The following DCDC1 variants were observed in gnomAD, a reference collection of about 807,000 sequenced individuals.
DCDC1 encodes the protein doublecortin domain-containing protein 1.
In DCDC1, 200 loss-of-function variants were observed where a neutral mutation model predicts 178.3. That is an observed-to-expected ratio of 1.12 (90% CI 1.00 to 1.26). The LOEUF is 1.26. DCDC1 is among the 50% of genes most tolerant of loss of function. The pLI is 0.00. For synonymous variants in DCDC1, 690 were observed against 604.8 expected (o/e 1.14, Z -2.07); for missense variants, 1,983 against 1,749.2 (o/e 1.13, Z -2.38).
At chr11:31,304,028 C>A (rs1948296112) in intron 6 of DCDC1, among the ~76,000 whole-genome samples, 1 of 152,092 alleles carries the variant, frequency 6.6e-6, no homozygotes, top group Non-Finnish European at 1.5e-5. Flanking sequence ...TGAAACACAG[C>A]CAAAGATACG....
intron 20 of DCDC1, among the ~76,000 whole-genome samples, chr11:31,018,733 T>G (rs938766391): frequency 6.6e-6 from 1 of 152,204 alleles, no homozygotes; most frequent in Non-Finnish European, 1.5e-5. Context: ...CAGCATGCAC[T>G]TATGATGAGA....
At chr11:31,141,505 T>C (rs1048754225) in intron 9 of DCDC1, among the ~76,000 whole-genome samples, 1 of 152,192 alleles carries the variant, frequency 6.6e-6, no homozygotes, top group Non-Finnish European at 1.5e-5. Flanking sequence ...TGAATCAACA[T>C]GACCCAACAA....
chr11:30,957,305 C>T (rs1211017556), intron 20 of DCDC1, among the ~76,000 whole-genome samples: 1 of 152,180 alleles, frequency 6.6e-6, no homozygotes, highest in Non-Finnish European at 1.5e-5. Flanking sequence ...CTGTGTGTCC[C>T]TTTGCAGCAA....
intron 3 of DCDC1, among the ~76,000 whole-genome samples, chr11:31,327,199 G>A (rs949682997): frequency 8.6e-5 from 13 of 151,846 alleles, no homozygotes; most frequent in African/African-American, 3.1e-4. Context: ...ACAGAGTTTC[G>A]CTCTTGTTAC....
chr11:30,903,635 T>G lies in DCDC1; in HGVS notation c.4357A>C (p.Lys1453Gln). Reference sequence around the variant, plus strand: ...GGGGTTCCATCTTTGGTATATACTTTGGAGGCTGCTCTGGCAAGCCCAAGT... The same window carrying G: ...GGGGTTCCATCTTTGGTATATACTTGGGAGGCTGCTCTGGCAAGCCCAAGT... ...EQLGLARAAS[K>Q]VYTKDGTPIF... Residue 1453 changes from lysine (K) to glutamine (Q), a missense_variant, in exon 32 of 39, where the codon AAA becomes CAA. Physicochemically the swap from Lys to Gln is moderately conservative, Grantham distance 53 (BLOSUM62 1). Coordinates refer to ENST00000684477, the MANE Select transcript of DCDC1 (RefSeq NM_001387274.1). 6.2e-7 allele frequency: 1 copy of G among 1,610,978 alleles called. No homozygotes were observed. The highest frequency in any genetic ancestry group is 8.5e-7 in the Non-Finnish European group (1 of 1,178,512).
At chr11:31,127,007 C>T (rs1961727893) in intron 11 of DCDC1, among the ~76,000 whole-genome samples, 1 of 152,180 alleles carries the variant, frequency 6.6e-6, no homozygotes, top group African/African-American at 2.4e-5. Context: ...ATGTGTCACA[C>T]TTATCCAATA....
intron 36 of DCDC1, among the ~76,000 whole-genome samples, chr11:30,887,997 C>A (rs1943328939): frequency 8.8e-6 from 1 of 113,518 alleles, no homozygotes; most frequent in South Asian, 2.8e-4. Context: ...GAGCAAAATT[C>A]CGTCAAAAAA....
intron 11 of DCDC1, among the ~76,000 whole-genome samples, chr11:31,114,928 C>G (rs1188528847): frequency 2.0e-5 from 3 of 152,100 alleles, no homozygotes; most frequent in Non-Finnish European, 4.4e-5. Context: ...GAGAAATGGG[C>G]AGTTTCTGTT....
At chr11:30,968,486 A>G (rs1333277897) in intron 20 of DCDC1, among the ~76,000 whole-genome samples, 1 of 151,844 alleles carries the variant, frequency 6.6e-6, no homozygotes, top group African/African-American at 2.4e-5. Context: ...AAGAGACCAC[A>G]TTCACATAAC....
Position 31,277,324 on chromosome 11 carries a change from A to G in DCDC1, c.961-11724T>C, listed in dbSNP as rs542317312. Among the ~76,000 whole-genome samples the G allele has an allele frequency of 2.0e-5, 3 of 152,246 alleles. No homozygotes were observed. The East Asian group carries it at 5.8e-4, about 29-fold the overall frequency. ...ATATAATAATGTTTTATCCATTCAC[A>G]GGTATATGGACTTTTTTACTGTCTG... On this transcript the variant is annotated intron_variant, in intron 7 of 38. Coordinates refer to ENST00000684477, the MANE Select transcript of DCDC1 (RefSeq NM_001387274.1).
chr11:31,366,493 G>A (rs1951963913), intron 1 of DCDC1, among the ~76,000 whole-genome samples: 1 of 152,172 alleles, frequency 6.6e-6, no homozygotes. Context: ...AAGTTGAGGG[G>A]CGGCAGTAAG....
At chr11:30,873,037 T>A (rs1941731362) in intron 38 of DCDC1, among the ~76,000 whole-genome samples, 1 of 150,368 alleles carries the variant, frequency 6.7e-6, no homozygotes, top group South Asian at 2.1e-4. Context: ...TATATATTCA[T>A]GCATATACCA....
intron 9 of DCDC1, among the ~76,000 whole-genome samples, chr11:31,213,185 T>G (rs1237454833): frequency 1.5e-5 from 2 of 136,652 alleles, no homozygotes; most frequent in African/African-American, 5.6e-5. Flanking sequence ...AGGGCAGTGG[T>G]TTGCTGTCCT....
Position 31,106,915 on chromosome 11 carries a change from G to C in DCDC1, c.1633C>G (p.Pro545Ala). The C allele has an allele frequency of 1.3e-6, 1 of 766,038 alleles. No homozygotes were observed. The highest frequency in any genetic ancestry group is 2.4e-6 in the Non-Finnish European group (1 of 417,788). 47.5% of individuals were successfully genotyped at this position (766,038 alleles called of 1,614,324 possible). A position where few individuals can be genotyped will look rare whatever the true frequency, so the allele number is the denominator to read the frequency against. ...HQRLQGSSINPPGLNYSSMRL... is the reference protein window; with the variant it reads ...HQRLQGSSINAPGLNYSSMRL... The stretch of plus-strand genomic sequence containing the variant: ...ATTGAAGAATAATTGAGGCCTGGTG[G>C]GTTGATGGAAGAACCTTGAAGCCTT... The change falls in exon 13 of 39, where the codon CCA (proline) becomes GCA (alanine). Residue 545 changes from proline (P) to alanine (A), a missense_variant. Transcript: ENST00000684477.
In DCDC1 at chr11:31,358,192, A is replaced by G. The variant is rs1375025340; in HGVS notation, c.-125+11505T>C. On this transcript the variant is annotated intron_variant, in intron 1 of 38. Coordinates refer to ENST00000684477, the MANE Select transcript of DCDC1 (RefSeq NM_001387274.1). Reference sequence around the variant, plus strand: ...ACGCTACCTGACTTCAAACTATACTACAAGGCTACAGTAACCAAAACAGCA... The same window carrying G: ...ACGCTACCTGACTTCAAACTATACTGCAAGGCTACAGTAACCAAAACAGCA... 3.3e-5 allele frequency among the ~76,000 whole-genome samples: 5 copies of G among 152,036 alleles called. No homozygotes were observed. In the Middle Eastern group the frequency reaches 0.01, roughly 310 times the overall value.
chr11:31,062,820 A>T (rs1956012965), intron 20 of DCDC1, among the ~76,000 whole-genome samples: 1 of 150,510 alleles, frequency 6.6e-6, no homozygotes, highest in South Asian at 2.1e-4. Context: ...TTATACTTTA[A>T]GTTTTAGGGT....
rs559118786 is a variant in DCDC1 at position 31,201,065 on chromosome 11, A to G, written c.1221+40385T>C. ...TATCAGATGATTGTCAGTCCACTCC[A>G]TTAGACTTTAAGCTTCTTAAGGACA... On this transcript the variant is annotated intron_variant, in intron 9 of 38. Coordinates refer to ENST00000684477, the MANE Select transcript of DCDC1 (RefSeq NM_001387274.1). 7.2e-5 allele frequency among the ~76,000 whole-genome samples: 11 copies of G among 152,082 alleles called. No homozygotes were observed. The East Asian group carries it at 2.1e-3, about 29-fold the overall frequency.
chr11:31,289,476 T>C (rs1947067644), intron 7 of DCDC1, among the ~76,000 whole-genome samples: 1 of 151,996 alleles, frequency 6.6e-6, no homozygotes, highest in Admixed American at 6.6e-5. Context: ...TAACCAGTTG[T>C]GGTTGTAAAA....
At chr11:31,233,605 C>A in intron 9 of DCDC1, among the ~76,000 whole-genome samples, 1 of 152,288 alleles carries the variant, frequency 6.6e-6, no homozygotes, top group East Asian at 1.9e-4. Context: ...TCTTAAGAGA[C>A]ACTGAAGGGC....
Sources: allele counts gnomAD v4.1 joint callset (sites outside exome capture counted in the v4.1 genomes callset), GRCh38; gene constraint gnomAD v4.1.1; transcripts MANE v1.5; gene names NCBI Gene and HGNC (gene_info 2026-07-23, HGNC 2026-07-21).